Variants in C1QTNF3 observed in about 807,000 individuals in gnomAD.
The protein encoded by C1QTNF3 is C1q and TNF related 3.
C1QTNF3 carries 26 observed loss-of-function variants against 32.6 expected under a neutral mutation model. The ratio of observed to expected loss-of-function variants is 0.80; its 90% confidence interval spans 0.58 to 1.11. The LOEUF (loss-of-function observed/expected upper bound fraction) is 1.11, where lower values mean the gene tolerates loss of function less well. Among genes scored for constraint, C1QTNF3 ranks in the 50% least tolerant of loss-of-function variants. The pLI is 0.00. For missense variants in C1QTNF3, 362 were observed against 398.2 expected (o/e 0.91, Z 0.77); for synonymous variants, 155 against 146.0 (o/e 1.06, Z -0.44).
At chr5:34,212,968 C>T in the C1QTNF3 span, among the ~76,000 whole-genome samples, 44 of 152,108 alleles carry the variant, frequency 2.9e-4, no homozygotes, top group South Asian at 1.0e-3. Flanking sequence ...ATGTTTATTG[C>T]GGCACTATTC....
upstream of C1QTNF3, chr5:34,043,279 G>C (rs966775472): frequency 6.9e-6 from 5 of 719,690 alleles, no homozygotes; most frequent in African/African-American, 8.9e-5. Flanking sequence ...AGGCATGCCA[G>C]AGTGACAGCA....
At chr5:34,128,505 C>T in the C1QTNF3 span, among the ~76,000 whole-genome samples, 2 of 152,192 alleles carry the variant, frequency 1.3e-5, no homozygotes, top group Non-Finnish European at 2.9e-5. Context: ...CACTCAATGC[C>T]AAGCCCTGAA....
chr5:34,068,574 C>G, the C1QTNF3 span, among the ~76,000 whole-genome samples: 4 of 151,674 alleles, frequency 2.6e-5, no homozygotes, highest in African/African-American at 7.3e-5. Context: ...TTTAATTCAA[C>G]ATAATATTTG....
chr5:34,171,849 T>C, the C1QTNF3 span, among the ~76,000 whole-genome samples: 3 of 152,342 alleles, frequency 2.0e-5, no homozygotes, highest in South Asian at 2.1e-4. Flanking sequence ...ATAGTGCCAG[T>C]AATAGAACCC....
Position 34,033,285 on chromosome 5 carries a change from T to C in C1QTNF3, c.570+19A>G. Reference sequence around the variant, plus strand: ...GGCAGGTTGGAAAGCCACCAGGAGATGTACCGAGGATGGTTTACCTGAAGT... The same window carrying C: ...GGCAGGTTGGAAAGCCACCAGGAGACGTACCGAGGATGGTTTACCTGAAGT... On this transcript the variant is annotated intron_variant, in intron 3 of 5. Coordinates refer to ENST00000382065, the MANE Select transcript of C1QTNF3 (RefSeq NM_181435.6). 6.2e-7 allele frequency: 1 copy of C among 1,611,972 alleles called. No individual in the cohort carries two copies. Among genetic ancestry groups the C allele is most frequent in the Non-Finnish European group, 8.5e-7 (1 of 1,179,464 alleles).
the C1QTNF3 span, among the ~76,000 whole-genome samples, chr5:34,132,429 G>GTATATATATA: frequency 5.8e-5 from 2 of 34,370 alleles, no homozygotes; most frequent in African/African-American, 1.9e-4. Context: ...GTATGTGTAT[G>GTATATATATA]TGTATGTATA....
At chr5:34,057,965 CCT>C in the C1QTNF3 span, among the ~76,000 whole-genome samples, 1 of 152,292 alleles carries the variant, frequency 6.6e-6, no homozygotes, top group African/African-American at 2.4e-5. Context: ...AAAAGACCTG[CCT>C]CCCTGCCTTG....
At chr5:34,054,556 G>A in the C1QTNF3 span, among the ~76,000 whole-genome samples, 1 of 152,134 alleles carries the variant, frequency 6.6e-6, no homozygotes, top group Admixed American at 6.5e-5. Flanking sequence ...AAAAACAAAT[G>A]GCAGCCCACA....
the C1QTNF3 span, among the ~76,000 whole-genome samples, chr5:34,128,643 T>G: frequency 6.6e-6 from 1 of 152,198 alleles, no homozygotes; most frequent in Non-Finnish European, 1.5e-5. Flanking sequence ...TTTCAGAGCT[T>G]TGAGACTTAA....
At chr5:34,234,913 C>T in the C1QTNF3 span, among the ~76,000 whole-genome samples, 1 of 152,132 alleles carries the variant, frequency 6.6e-6, no homozygotes, top group Non-Finnish European at 1.5e-5. Context: ...TTTTTTCTCA[C>T]AATAGGCTTA....
At chr5:34,065,350 C>A in the C1QTNF3 span, among the ~76,000 whole-genome samples, 2 of 152,132 alleles carry the variant, frequency 1.3e-5, no homozygotes, top group African/African-American at 4.8e-5. Flanking sequence ...CCATCCCACA[C>A]CAGTCAGAAT....
At chr5:34,055,282 A>G in the C1QTNF3 span, among the ~76,000 whole-genome samples, 1 of 152,374 alleles carries the variant, frequency 6.6e-6, no homozygotes, top group South Asian at 2.1e-4. Flanking sequence ...CTATATGCCC[A>G]TGCCATAGCT....
chr5:34,022,159 AT>A (rs1452280076), intron 5 of C1QTNF3, among the ~76,000 whole-genome samples: 1 of 152,238 alleles, frequency 6.6e-6, no homozygotes. Context: ...CACTTAATCT[AT>A]TTAACAAATG....
At chr5:34,081,929 T>G in the C1QTNF3 span, among the ~76,000 whole-genome samples, 1 of 151,756 alleles carries the variant, frequency 6.6e-6, no homozygotes. Flanking sequence ...GAATAAAATA[T>G]TAAAGGTTAA....
the C1QTNF3 span, among the ~76,000 whole-genome samples, chr5:34,230,494 A>G: frequency 6.6e-6 from 1 of 152,198 alleles, no homozygotes; most frequent in South Asian, 2.1e-4. Context: ...AAACCAAAAC[A>G]AAATAAAAAA....
At chr5:34,138,447 T>G in the C1QTNF3 span, among the ~76,000 whole-genome samples, 1 of 152,184 alleles carries the variant, frequency 6.6e-6, no homozygotes, top group Non-Finnish European at 1.5e-5. Context: ...ATTGTAACTT[T>G]TTCTTACAGC....
In C1QTNF3 at chr5:34,020,602, A is replaced by T; in HGVS notation, c.941T>A (p.Leu314Gln). ...HQRFSTFAGFLLFETK is the reference protein window; with the variant it reads ...HQRFSTFAGFQLFETK ...ATATATTTACTTAGTTTCAAAGAGC[A>T]GGAATCCTGCAAAGGTGGAGAAGCG... Residue 314 changes from leucine (L) to glutamine (Q), a missense_variant, in exon 6 of 6, where the codon CTG becomes CAG. Physicochemically the swap from Leu to Gln is moderately radical, Grantham distance 113. Coordinates refer to ENST00000382065, the MANE Select transcript of C1QTNF3 (RefSeq NM_181435.6). 1 of 1,614,212 alleles carries T rather than the reference A, an allele frequency of 6.2e-7. No individual in the cohort carries two copies. The highest frequency in any genetic ancestry group is 8.5e-7 in the Non-Finnish European group (1 of 1,180,020).
At chr5:34,146,522 A>T in the C1QTNF3 span, among the ~76,000 whole-genome samples, 1 of 152,330 alleles carries the variant, frequency 6.6e-6, no homozygotes, top group Middle Eastern at 3.4e-3. Flanking sequence ...TCACACTTAC[A>T]ATCACCTGAT....
chr5:34,128,709 C>A, the C1QTNF3 span, among the ~76,000 whole-genome samples: 1 of 152,276 alleles, frequency 6.6e-6, no homozygotes, highest in South Asian at 2.1e-4. Context: ...TTTGTTTTGA[C>A]CAATTTCTCC....
Sources: allele counts gnomAD v4.1 joint callset (sites outside exome capture counted in the v4.1 genomes callset), GRCh38; gene constraint gnomAD v4.1.1; transcripts MANE v1.5; gene names NCBI Gene and HGNC (gene_info 2026-07-23, HGNC 2026-07-21).